Variants in GRXCR2 observed in about 807,000 individuals in gnomAD.
The protein encoded by GRXCR2 is glutaredoxin and cysteine rich domain containing 2, also known as glutaredoxin domain-containing cysteine-rich protein 2.
Under a neutral mutation model 24.8 loss-of-function variants are expected in GRXCR2, and 23 were observed. The ratio of observed to expected loss-of-function variants is 0.93; its 90% CI spans 0.67 to 1.32. The LOEUF (loss-of-function observed/expected upper bound fraction) is 1.32. Among genes scored for constraint, GRXCR2 ranks in the 40% most tolerant of loss-of-function variants. GRXCR2 has a pLI of 0.00. For synonymous variants in GRXCR2, 130 were observed against 116.1 expected (o/e 1.12, Z -0.77); for missense variants, 315 against 303.4 (o/e 1.04, Z -0.28).
At chr5:145,891,977 A>G (rs1052153086) in intron 2 of GRXCR2, among the ~76,000 whole-genome samples, 5 of 152,238 alleles carry the variant, frequency 3.3e-5, no homozygotes, top group East Asian at 1.9e-4. Flanking sequence ...CTGTTCACCA[A>G]TATCCACTGT....
At chr5:145,913,187 A>G (rs1757190780) in intron 2 of GRXCR2, among the ~76,000 whole-genome samples, 1 of 152,190 alleles carries the variant, frequency 6.6e-6, no homozygotes, top group Non-Finnish European at 1.5e-5. Flanking sequence ...ATTACCACCA[A>G]CCAAAAGACA....
chr5:145,860,365 T>C (rs1479157383), intron 2 of GRXCR2, among the ~76,000 whole-genome samples: 4 of 152,204 alleles, frequency 2.6e-5, no homozygotes, highest in South Asian at 2.1e-4. Context: ...GTAAGTATTA[T>C]TATCCTTGTG....
At chr5:145,901,940 TC>T (rs1436173936) in intron 2 of GRXCR2, among the ~76,000 whole-genome samples, 2 of 152,144 alleles carry the variant, frequency 1.3e-5, no homozygotes, top group African/African-American at 4.8e-5. Flanking sequence ...GTAGGCAGAT[TC>T]CAAACATATT....
rs545267025 is a variant in GRXCR2, at chr5:145,872,159, T to C, written c.336+474A>G. ...AGGAGCAATGGAAAGGAAAAATAAA[T>C]AGACAAAGCAGGCAGTATGAGGAAG... On this transcript the variant is annotated intron_variant, in intron 1 of 2. Transcript: ENST00000377976. Among the ~76,000 whole-genome samples, 14 of 152,170 alleles carry C rather than the reference T, an allele frequency of 9.2e-5. No individual in the cohort carries two copies. The South Asian group carries it at 2.5e-3, about 27-fold the overall frequency.
At chr5:145,927,839 T>C (rs1241097510) in intron 2 of GRXCR2, among the ~76,000 whole-genome samples, 2 of 152,254 alleles carry the variant, frequency 1.3e-5, no homozygotes, top group South Asian at 2.1e-4. Flanking sequence ...GACATAGGCA[T>C]GGGGAAGCAC....
chr5:145,911,320 C>T (rs951464340), intron 2 of GRXCR2, among the ~76,000 whole-genome samples: 2 of 152,160 alleles, frequency 1.3e-5, no homozygotes, highest in Non-Finnish European at 2.9e-5. Flanking sequence ...TCAGGTGTCA[C>T]GGTCTGGCGT....
intron 2 of GRXCR2, among the ~76,000 whole-genome samples, chr5:145,912,708 G>A (rs1757182968): frequency 6.6e-6 from 1 of 152,094 alleles, no homozygotes; most frequent in Non-Finnish European, 1.5e-5. Context: ...CTATGAAGAG[G>A]AGGTATGAGG....
intron 2 of GRXCR2, among the ~76,000 whole-genome samples, chr5:145,905,867 A>G (rs1026078099): frequency 1.3e-5 from 2 of 152,220 alleles, no homozygotes; most frequent in African/African-American, 2.4e-5. Context: ...GAATGAACAA[A>G]TAGTGGTCCA....
chr5:145,931,385 C>A (rs1311360942), intron 2 of GRXCR2, among the ~76,000 whole-genome samples: 2 of 152,150 alleles, frequency 1.3e-5, no homozygotes, highest in Non-Finnish European at 2.9e-5. Context: ...AATTTAAGAA[C>A]AATAAGTCAC....
At chr5:145,909,079 C>T (rs1757128083) in intron 2 of GRXCR2, among the ~76,000 whole-genome samples, 1 of 152,166 alleles carries the variant, frequency 6.6e-6, no homozygotes, top group African/African-American at 2.4e-5. Flanking sequence ...GATAACACTT[C>T]TTGTCTTATT....
chr5:145,869,274 A>T (rs1756486272), intron 1 of GRXCR2, among the ~76,000 whole-genome samples: 1 of 152,240 alleles, frequency 6.6e-6, no homozygotes, highest in Non-Finnish European at 1.5e-5. Context: ...CACTCATAGA[A>T]ATGTTGTGAA....
chr5:145,884,799 T>G (rs1756755597), intron 2 of GRXCR2, among the ~76,000 whole-genome samples: 1 of 152,202 alleles, frequency 6.6e-6, no homozygotes, highest in Non-Finnish European at 1.5e-5. Flanking sequence ...CACCTAGGTT[T>G]GCTTTTTTGC....
chr5:145,929,034 G>T (rs1430447202), intron 2 of GRXCR2, among the ~76,000 whole-genome samples: 1 of 151,272 alleles, frequency 6.6e-6, no homozygotes, highest in Non-Finnish European at 1.5e-5. Context: ...TAACATTTTG[G>T]CATGCATTCT....
chr5:145,893,159 T>C (rs1262011291), intron 2 of GRXCR2, among the ~76,000 whole-genome samples: 1 of 152,144 alleles, frequency 6.6e-6, no homozygotes, highest in Non-Finnish European at 1.5e-5. Context: ...GAACAACCGG[T>C]ACCAGCCACT....
At chr5:145,882,162 A>T (rs575260314) in intron 2 of GRXCR2, among the ~76,000 whole-genome samples, 2 of 152,292 alleles carry the variant, frequency 1.3e-5, no homozygotes, top group East Asian at 3.9e-4. Flanking sequence ...AAGCCAAAAT[A>T]GACAAACGGG....
chr5:145,881,178 A>G (rs1184006325), intron 2 of GRXCR2, among the ~76,000 whole-genome samples: 1 of 152,252 alleles, frequency 6.6e-6, no homozygotes, highest in African/African-American at 2.4e-5. Flanking sequence ...AGTTCTGGCC[A>G]GGGCAATCAG....
intron 2 of GRXCR2, among the ~76,000 whole-genome samples, chr5:145,895,469 C>G (rs181614501): frequency 1.3e-5 from 2 of 152,238 alleles, no homozygotes; most frequent in Admixed American, 6.5e-5. Flanking sequence ...GCAAAAATCA[C>G]AAGCATTCTT....
intron 2 of GRXCR2, among the ~76,000 whole-genome samples, chr5:145,906,583 A>G (rs146657893): frequency 1.3e-5 from 2 of 152,324 alleles, no homozygotes; most frequent in East Asian, 1.9e-4. Flanking sequence ...AAGTAATCCA[A>G]TCACATTCCT....
intron 2 of GRXCR2, among the ~76,000 whole-genome samples, chr5:145,918,862 G>A (rs961649136): frequency 1.1e-4 from 17 of 152,160 alleles, no homozygotes; most frequent in Non-Finnish European, 2.2e-4. Context: ...CTACCTTCGT[G>A]CCTGGGACCT....
Sources: allele counts gnomAD v4.1 joint callset (sites outside exome capture counted in the v4.1 genomes callset), GRCh38; gene constraint gnomAD v4.1.1; transcripts MANE v1.5; gene names NCBI Gene and HGNC (gene_info 2026-07-23, HGNC 2026-07-21).